Variants in MAGI2 observed in about 807,000 individuals in gnomAD.
MAGI2 encodes the protein membrane-associated guanylate kinase, WW and PDZ domain-containing protein 2.
Under a neutral mutation model 133.3 loss-of-function variants are expected in MAGI2, and 35 were observed. That is an observed-to-expected ratio of 0.26 (90% CI 0.20 to 0.35). MAGI2 has a LOEUF of 0.35. Among genes scored for constraint, MAGI2 ranks in the 10% least tolerant of loss-of-function variants. MAGI2 has a pLI of 1.00. For synonymous variants in MAGI2, 729 were observed against 710.6 expected, an observed-to-expected ratio of 1.03 and a Z score of -0.41; for missense variants, 1,636 against 1,863.4, an observed-to-expected ratio of 0.88 and a Z score of 2.25.
intron 3 of MAGI2, among the ~76,000 whole-genome samples, chr7:78,569,754 A>T (rs1227897289): frequency 1.3e-5 from 2 of 152,204 alleles, no homozygotes; most frequent in Non-Finnish European, 2.9e-5. Flanking sequence ...ATGAAAACAT[A>T]GAATTTTATT....
At chr7:78,471,955 C>T (rs1421176369) in intron 6 of MAGI2, among the ~76,000 whole-genome samples, 2 of 151,760 alleles carry the variant, frequency 1.3e-5, no homozygotes, top group Non-Finnish European at 2.9e-5. Context: ...AATTACAGAA[C>T]AAGTTCACAC....
intron 9 of MAGI2, among the ~76,000 whole-genome samples, chr7:78,268,590 A>G (rs191133678): frequency 1.3e-5 from 2 of 152,210 alleles, no homozygotes; most frequent in East Asian, 1.9e-4. Flanking sequence ...CCATACCCCT[A>G]GTGGGTTTGG....
intron 1 of MAGI2, among the ~76,000 whole-genome samples, chr7:79,025,283 T>C (rs1168681853): frequency 2.0e-5 from 3 of 152,126 alleles, no homozygotes; most frequent in Admixed American, 2.0e-4. Context: ...TTCTCATGTA[T>C]AAGTGGAGGC....
chr7:79,006,699 G>A (rs1807484470), intron 2 of MAGI2: 1 of 156,356 alleles, frequency 6.4e-6, no homozygotes, highest in African/African-American at 2.4e-5. Flanking sequence ...GAGTCACTGT[G>A]AAGATTCTAC....
At chr7:78,635,317 G>C (rs1809510044) in intron 2 of MAGI2, among the ~76,000 whole-genome samples, 1 of 152,142 alleles carries the variant, frequency 6.6e-6, no homozygotes. Context: ...GGCATTTGTG[G>C]TAAATATAAT....
chr7:78,332,620 C>T (rs1009182849), intron 9 of MAGI2, among the ~76,000 whole-genome samples: 15 of 150,800 alleles, frequency 9.9e-5, no homozygotes, highest in Middle Eastern at 6.9e-3. Context: ...ATGGTGTGAA[C>T]CCGGGAGGCA....
chr7:78,256,178 C>G lies in MAGI2; in HGVS notation c.1812G>C (p.Met604Ile). ...GGGCACCTTTCACAATGGTTAAGGT[C>G]ATAAGTTCAGCTTGGGTGGCCCCAG... ...ASSGATQAEL[M>I]TLTIVKGAQG... The change falls in exon 10 of 22, where the codon ATG (methionine) becomes ATC (isoleucine). Residue 604 changes from methionine to isoleucine, a missense_variant. Met to Ile is a conservative substitution (Grantham distance 10). This residue lies in a region of MAGI2 where 920 missense variants were observed against 1,093.5 expected (regional missense o/e 0.84). Transcript: ENST00000354212. The G allele has an allele frequency of 6.2e-7, 1 of 1,613,952 alleles. No individual in the cohort carries two copies. Among genetic ancestry groups the G allele is most frequent in the Non-Finnish European group, 8.5e-7 (1 of 1,179,978 alleles).
chr7:78,644,817 AT>A (rs1186610059), intron 2 of MAGI2, among the ~76,000 whole-genome samples: 1 of 152,158 alleles, frequency 6.6e-6, no homozygotes, highest in Non-Finnish European at 1.5e-5. Flanking sequence ...TAGAAAAAAA[AT>A]AAAATCAATA....
intron 21 of MAGI2, among the ~76,000 whole-genome samples, chr7:78,038,431 AGTATT>A (rs1383998615): frequency 1.3e-4 from 20 of 152,222 alleles, no homozygotes; most frequent in African/African-American, 4.3e-4. Context: ...ATTTTATTGT[AGTATT>A]GTATTGTTAA....
intron 3 of MAGI2, among the ~76,000 whole-genome samples, chr7:78,611,134 T>A (rs550204343): frequency 6.6e-6 from 1 of 152,360 alleles, no homozygotes; most frequent in East Asian, 1.9e-4. Context: ...GGTGTTTTAG[T>A]TATCATCAGT....
chr7:78,033,670 A>G (rs183165902), intron 21 of MAGI2, among the ~76,000 whole-genome samples: 2 of 152,216 alleles, frequency 1.3e-5, no homozygotes, highest in East Asian at 3.9e-4. Flanking sequence ...TGTTCTGTAT[A>G]TGGGCCTTAG....
intron 4 of MAGI2, among the ~76,000 whole-genome samples, chr7:78,514,372 A>G (rs995948851): frequency 6.6e-6 from 1 of 152,066 alleles, no homozygotes; most frequent in Non-Finnish European, 1.5e-5. Context: ...CAGTCAGAAC[A>G]TTTTACAATT....
At chr7:78,409,306 A>G (rs558738118) in intron 6 of MAGI2, among the ~76,000 whole-genome samples, 1 of 152,198 alleles carries the variant, frequency 6.6e-6, no homozygotes, top group South Asian at 2.1e-4. Flanking sequence ...GAATGAATAA[A>G]TAGATGCCTG....
In MAGI2 at chr7:78,584,277, G is replaced by A. The variant is rs139403911; in HGVS notation, c.538+42843C>T. ...TCTACTAAAAATACAAAAAGTAGTCGGGCATGGTGGCAGTCGCCTGTAATC... is the reference window on the plus strand; with the variant it reads ...TCTACTAAAAATACAAAAAGTAGTCAGGCATGGTGGCAGTCGCCTGTAATC... On this transcript the variant is annotated intron_variant, in intron 3 of 21. Coordinates refer to ENST00000354212, the MANE Select transcript of MAGI2 (RefSeq NM_012301.4). 2.5e-3 allele frequency among the ~76,000 whole-genome samples: 387 copies of A among 151,894 alleles called. 4 individuals are homozygous for A. Among genetic ancestry groups the A allele is most frequent in the African/African-American group, 8.7e-3 (360 of 41,444 alleles).
chr7:78,525,420 C>T (rs1035314994), intron 3 of MAGI2, among the ~76,000 whole-genome samples: 3 of 85,844 alleles, frequency 3.5e-5, no homozygotes, highest in South Asian at 8.3e-4. Context: ...GAACTGACTC[C>T]CTGAATATAA....
At chr7:78,068,413 C>T (rs917106824) in intron 21 of MAGI2, among the ~76,000 whole-genome samples, 1 of 152,060 alleles carries the variant, frequency 6.6e-6, no homozygotes, top group African/African-American at 2.4e-5. Flanking sequence ...TAAGACTGAA[C>T]CCTAGTGTCA....
chr7:78,364,397 G>A (rs958026140), intron 7 of MAGI2, among the ~76,000 whole-genome samples: 1 of 152,044 alleles, frequency 6.6e-6, no homozygotes, highest in Non-Finnish European at 1.5e-5. Flanking sequence ...CCTCATGATG[G>A]ATACTCACCA....
At chr7:79,430,482 C>T (rs183975733) in intron 1 of MAGI2, among the ~76,000 whole-genome samples, 209 of 152,238 alleles carry the variant, frequency 1.4e-3, no homozygotes, top group African/African-American at 4.8e-3. Context: ...CTGTCTTCTG[C>T]CATAAAGCTA....
chr7:78,787,391 A>ATAAC (rs1384788659), intron 2 of MAGI2, among the ~76,000 whole-genome samples: 1 of 152,166 alleles, frequency 6.6e-6, no homozygotes, highest in Non-Finnish European at 1.5e-5. Flanking sequence ...CTGCTTTGGG[A>ATAAC]GTATCTCATT....
Sources: gnomAD v4.1 joint callset for allele counts (sites outside exome capture counted in the v4.1 genomes callset) on GRCh38, gnomAD v4.1.1 for gene constraint, gnomAD v4.1.1 regional missense constraint, MANE v1.5 for transcripts, NCBI Gene and HGNC (gene_info 2026-07-23, HGNC 2026-07-21) for gene names.